The following TAF3 variants were observed in gnomAD, a reference collection of about 807,000 sequenced individuals.
TAF3 encodes the protein transcription initiation factor TFIID subunit 3.
In TAF3, 7 loss-of-function variants were observed where a neutral mutation model predicts 80.6. That is an observed-to-expected ratio of 0.09 (90% CI 0.05 to 0.16). The LOEUF is 0.16. Among genes scored for constraint, TAF3 ranks in the 10% least tolerant of loss-of-function variants. The pLI is 1.00. For missense variants in TAF3, 921 were observed against 1,140.2 expected, an observed-to-expected ratio of 0.81 and a Z score of 2.77; for synonymous variants, 444 against 446.1, an observed-to-expected ratio of 1.00 and a Z score of 0.06.
chr10:7,826,848 T>C (rs1836746851), intron 2 of TAF3, among the ~76,000 whole-genome samples: 1 of 152,206 alleles, frequency 6.6e-6, no homozygotes, highest in Non-Finnish European at 1.5e-5. Context: ...CAATCTGAAA[T>C]ATTTTTTTTT....
chr10:7,982,515 A>T (rs528711146), intron 4 of TAF3, among the ~76,000 whole-genome samples: 4 of 152,084 alleles, frequency 2.6e-5, no homozygotes, highest in South Asian at 4.2e-4. Flanking sequence ...TCTCCGGCCT[A>T]AGCCTCCCAG....
chr10:7,957,941 A>C (rs1187700632), intron 2 of TAF3, among the ~76,000 whole-genome samples: 1 of 150,806 alleles, frequency 6.6e-6, no homozygotes, highest in Admixed American at 6.7e-5. Flanking sequence ...AAGATTAGAT[A>C]TCTTGTAATA....
intron 2 of TAF3, among the ~76,000 whole-genome samples, chr10:7,824,791 T>A (rs1266343392): frequency 6.6e-6 from 1 of 152,200 alleles, no homozygotes; most frequent in African/African-American, 2.4e-5. Flanking sequence ...TTTGTAAAGT[T>A]CAAGTAGAGG....
intron 2 of TAF3, among the ~76,000 whole-genome samples, chr10:7,841,709 A>C (rs761533941): frequency 2.6e-5 from 4 of 152,154 alleles, no homozygotes; most frequent in Non-Finnish European, 5.9e-5. Flanking sequence ...AGATAGATAA[A>C]TTGTAGAGGA....
chr10:7,937,466 C>T (rs960753439), intron 2 of TAF3, among the ~76,000 whole-genome samples: 2 of 152,124 alleles, frequency 1.3e-5, no homozygotes, highest in African/African-American at 4.8e-5. Flanking sequence ...TTTCCTGTGC[C>T]TATTTGCCAT....
chr10:7,987,825 G>A (rs945448637), intron 4 of TAF3, among the ~76,000 whole-genome samples: 1 of 152,148 alleles, frequency 6.6e-6, no homozygotes, highest in African/African-American at 2.4e-5. Context: ...TTCTTTGGGG[G>A]AAGCTATTGG....
At chr10:7,965,820 A>T (rs1381563649) in intron 3 of TAF3, 78 bp downstream of exon 3, 2 of 1,411,408 alleles carry the variant, frequency 1.4e-6, no homozygotes, top group East Asian at 5.1e-5. Context: ...CCACAATTAT[A>T]TCTGTATTCT....
At chr10:7,917,895 G>A (rs1837726459) in intron 2 of TAF3, among the ~76,000 whole-genome samples, 1 of 152,216 alleles carries the variant, frequency 6.6e-6, no homozygotes, top group Non-Finnish European at 1.5e-5. Context: ...TATGGTTGGG[G>A]CAAAAGTCTG....
intron 2 of TAF3, among the ~76,000 whole-genome samples, chr10:7,828,086 C>G (rs1836761672): frequency 6.6e-6 from 1 of 152,108 alleles, no homozygotes; most frequent in African/African-American, 2.4e-5. Flanking sequence ...GAATCGGTGT[C>G]AAGCTGCATT....
chr10:7,830,412 T>C (rs779159630), intron 2 of TAF3, among the ~76,000 whole-genome samples: 10 of 146,996 alleles, frequency 6.8e-5, no homozygotes, highest in Non-Finnish European at 1.5e-4. Flanking sequence ...GCCAAATGCG[T>C]ATCCCTAGAC....
intron 2 of TAF3, among the ~76,000 whole-genome samples, chr10:7,878,898 T>C (rs1490315976): frequency 6.6e-6 from 1 of 152,044 alleles, no homozygotes. Flanking sequence ...CAGCTAACTT[T>C]TGTATTTTTA....
intron 2 of TAF3, among the ~76,000 whole-genome samples, chr10:7,879,597 C>T (rs565626369): frequency 3.9e-5 from 6 of 152,106 alleles, no homozygotes; most frequent in Admixed American, 2.6e-4. Flanking sequence ...GTGTAAACAC[C>T]GGCTCTTTTT....
chr10:7,869,938 G>T (rs927810504), intron 2 of TAF3, among the ~76,000 whole-genome samples: 1 of 152,066 alleles, frequency 6.6e-6, no homozygotes, highest in Non-Finnish European at 1.5e-5. Context: ...TGACCCCTGG[G>T]TTTTGGTTGG....
At chr10:7,887,389 AGT>A (rs993851804) in intron 2 of TAF3, among the ~76,000 whole-genome samples, 4 of 152,248 alleles carry the variant, frequency 2.6e-5, no homozygotes, top group Middle Eastern at 3.4e-3. Flanking sequence ...AATTTTTGCA[AGT>A]GTGGAAAGAA....
chr10:7,835,197 C>A (rs1836839784), intron 2 of TAF3, among the ~76,000 whole-genome samples: 1 of 152,140 alleles, frequency 6.6e-6, no homozygotes, highest in Admixed American at 6.5e-5. Flanking sequence ...TACACTAACA[C>A]CATCGATAGC....
chr10:7,818,719 A>G lies in TAF3; in HGVS notation c.10A>G (p.Ser4Gly), dbSNP rs1383866260. Residue 4 changes from serine (S) to glycine (G), a missense_variant, in exon 1 of 7, where the codon AGT (serine) becomes GGT (glycine). By Grantham distance (56) the Ser-to-Gly change is moderately conservative (BLOSUM62 0). Around this residue, in one of 6 missense-constraint regions of TAF3, gnomAD observed 106 missense variants for 191.8 expected, o/e 0.55. Transcript: ENST00000344293. MCE[S>G]YSRSLLRVSV... Reference sequence around the variant, plus strand: ...GCGTCCACGCAGCGGGATGTGCGAGAGTTACTCCAGGTCGTTGTTGAGGGT... The same window carrying G: ...GCGTCCACGCAGCGGGATGTGCGAGGGTTACTCCAGGTCGTTGTTGAGGGT... 1 of 1,602,488 alleles carries G rather than the reference A, an allele frequency of 6.2e-7. No homozygotes were observed. Among genetic ancestry groups the G allele is most frequent in the East Asian group, 2.3e-5 (1 of 43,582 alleles).
chr10:7,899,800 T>C (rs923583210), intron 2 of TAF3, among the ~76,000 whole-genome samples: 2 of 152,200 alleles, frequency 1.3e-5, no homozygotes, highest in Non-Finnish European at 2.9e-5. Flanking sequence ...GTTGTAAAAA[T>C]AAACAAAACT....
In TAF3 at chr10:7,964,967, C is replaced by T. The variant is rs187967824; in HGVS notation, c.1457C>T (p.Pro486Leu). The T allele has an allele frequency of 8.1e-6, 13 of 1,614,036 alleles. 1 individual carries two copies. The Admixed American group carries it at 2.2e-4, about 27-fold the overall frequency. The stretch of plus-strand genomic sequence containing the variant: ...AAACTGGGAACACCTTCAAATATGC[C>T]CCCCAACTTTCCTTATATCTCTTCT... ...KAKLGTPSNM[P>L]PNFPYISSPS... Residue 486 changes from proline to leucine, a missense_variant, in exon 3 of 7, where the codon CCC becomes CTC. Transcript: ENST00000344293. This position sits in a 1 kb window ranked among gnomAD's most constrained non-coding sequence, Gnocchi z 4.1.
At chr10:8,005,942 C>T (rs1831986779) in intron 4 of TAF3, among the ~76,000 whole-genome samples, 1 of 152,090 alleles carries the variant, frequency 6.6e-6, no homozygotes, top group Non-Finnish European at 1.5e-5. Context: ...GTAGTAGTAA[C>T]CTGTGTTAAT....
Sources: allele counts gnomAD v4.1 joint callset (sites outside exome capture counted in the v4.1 genomes callset), GRCh38; gene constraint gnomAD v4.1.1; regional missense constraint gnomAD v4.1.1; non-coding constraint Gnocchi (gnomAD v3.1); transcripts MANE v1.5; gene names NCBI Gene and HGNC (gene_info 2026-07-23, HGNC 2026-07-21).